The following KIF9 variants were observed in gnomAD, a reference collection of about 807,000 sequenced individuals.
KIF9 encodes kinesin-like protein KIF9.
KIF9 carries 68 observed loss-of-function variants against 94.8 expected under a neutral mutation model. The ratio of observed to expected loss-of-function variants is 0.72; its 90% CI spans 0.59 to 0.88. The LOEUF (loss-of-function observed/expected upper bound fraction) is 0.88. Among genes scored for constraint, KIF9 ranks in the 40% least tolerant of loss-of-function variants. The pLI is 0.00. For missense variants in KIF9, 882 were observed against 982.5 expected, an observed-to-expected ratio of 0.90 and a Z score of 1.37; for synonymous variants, 343 against 362.1, an observed-to-expected ratio of 0.95 and a Z score of 0.60.
intron 5 of KIF9, among the ~76,000 whole-genome samples, chr3:47,269,764 G>T: frequency 7.5e-6 from 1 of 133,148 alleles, no homozygotes; most frequent in Admixed American, 8.0e-5. Flanking sequence ...ACCACTCCCA[G>T]CTAATTTTTT....
intron 10 of KIF9, among the ~76,000 whole-genome samples, chr3:47,249,974 G>A (rs1203369171): frequency 6.6e-6 from 1 of 152,098 alleles, no homozygotes; most frequent in East Asian, 1.9e-4. Context: ...GCTTGAACCC[G>A]GGAGACAGAG....
chr3:47,269,768 A>ATT lies in KIF9; in HGVS notation c.591+1467_591+1468dup, dbSNP rs36108313. Among the ~76,000 whole-genome samples, 717 of 86,428 alleles carry ATT rather than the reference A, an allele frequency of 8.3e-3. 36 individuals are homozygous for ATT. Among genetic ancestry groups the ATT allele is most frequent in the Middle Eastern group, 0.027 (4 of 150 alleles). The allele number at this position is 86,428 out of a possible 152,430, so 56.7% of individuals were successfully genotyped here. A position where few individuals can be genotyped will look rare whatever the true frequency, so the allele number is the denominator to read the frequency against. ...AGGTGCCCACCACCACTCCCAGCTA[A>ATT]TTTTTTTTTTTTTTTTTTTTTTTTT... On this transcript the variant is annotated intron_variant, in intron 5 of 20. Transcript: ENST00000684063.
chr3:47,278,288 C>G (rs773771349), intron 1 of KIF9, among the ~76,000 whole-genome samples: 9 of 152,066 alleles, frequency 5.9e-5, no homozygotes, highest in Non-Finnish European at 1.3e-4. Flanking sequence ...GTTGCCTAGG[C>G]TGGTCTTGAA....
At chr3:47,241,382 C>T (rs1172297413) in intron 16 of KIF9, among the ~76,000 whole-genome samples, 3 of 150,936 alleles carry the variant, frequency 2.0e-5, no homozygotes, top group African/African-American at 7.3e-5. Context: ...AGTGAAATGG[C>T]ACAATCTCGG....
chr3:47,271,372 G>C lies in KIF9; in HGVS notation c.456C>G (p.Leu152=). 6.2e-7 allele frequency: 1 copy of C among 1,614,012 alleles called. No individual in the cohort carries two copies. Among genetic ancestry groups the C allele is most frequent in the South Asian group, 1.1e-5 (1 of 91,080 alleles). The change falls in exon 5 of 21, where the codon CTC becomes CTG. Residue 152 remains leucine (L), a synonymous_variant. Transcript: ENST00000684063. ...LEIYNESLFD[L]LSTLPYVGPS... is the part of the protein sequence containing the mutation. ...GTCCAACATAGGGCAGAGTGGACAG[G>C]AGATCAAACAGGCTCTCATTATAGA...
chr3:47,280,983 C>A, intron 1 of KIF9: 1 of 703,064 alleles, frequency 1.4e-6, no homozygotes, highest in Non-Finnish European at 2.6e-6. Context: ...TCTTACGTCG[C>A]TTCATTTGAG....
intron 20 of KIF9, among the ~76,000 whole-genome samples, chr3:47,230,833 T>C (rs946693975): frequency 1.3e-5 from 2 of 150,438 alleles, no homozygotes; most frequent in African/African-American, 4.9e-5. Context: ...AGGTCAGGAG[T>C]TCAAGACCAG....
chr3:47,239,634 C>G, intron 17 of KIF9: 2 of 1,054,428 alleles, frequency 1.9e-6, no homozygotes, highest in South Asian at 4.5e-5. Context: ...GTCACCCAGA[C>G]TGGAGTGCAG....
chr3:47,260,855 G>C (rs1024750166), intron 9 of KIF9, among the ~76,000 whole-genome samples: 2 of 152,220 alleles, frequency 1.3e-5, no homozygotes. Flanking sequence ...ATGGGGAAGG[G>C]ATAAGTGCAT....
At chr3:47,240,762 G>T in intron 17 of KIF9, 39 bp downstream of exon 17, 1 of 1,554,286 alleles carries the variant, frequency 6.4e-7, no homozygotes, top group Non-Finnish European at 8.9e-7. Context: ...ATGACTCTGA[G>T]ACCCCAAAGC....
intron 20 of KIF9, among the ~76,000 whole-genome samples, chr3:47,235,042 T>C (rs1471484381): frequency 6.6e-6 from 1 of 152,216 alleles, no homozygotes; most frequent in South Asian, 2.1e-4. Flanking sequence ...CACAGGGCCC[T>C]CTGTGTTCTG....
At chr3:47,270,975 C>CAAA (rs35244035) in intron 5 of KIF9, among the ~76,000 whole-genome samples, 5 of 90,888 alleles carry the variant, frequency 5.5e-5, no homozygotes, top group South Asian at 3.7e-4. Context: ...CTTGTCTCTA[C>CAAA]AAAAAAAAAA....
In KIF9 at chr3:47,271,258, ATCC is replaced by A; in HGVS notation, c.567_569del (p.Glu189del). Reference sequence around the variant, plus strand: ...TCACCTCAAAAAGGAGGCTGAATGCATCCTCCTCCTGACTTGTGAGGTGAACTG... The same window carrying A: ...TCACCTCAAAAAGGAGGCTGAATGCATCCTCCTGACTTGTGAGGTGAACTG... On this transcript the variant is annotated inframe_deletion, in exon 5 of 21. Transcript: ENST00000684063. The A allele has an allele frequency of 6.2e-7, 1 of 1,613,698 alleles. No homozygotes were observed. Among genetic ancestry groups the A allele is most frequent in the African/African-American group, 1.3e-5 (1 of 75,014 alleles).
chr3:47,272,124 A>G (rs553000938), intron 4 of KIF9, among the ~76,000 whole-genome samples: 3 of 150,430 alleles, frequency 2.0e-5, no homozygotes, highest in Admixed American at 2.0e-4. Context: ...TCTAAAAAAT[A>G]AATAAATAAA....
In KIF9 at chr3:47,269,320, T is replaced by TA. The variant is rs1336509125; in HGVS notation, c.591+1916dup. On this transcript the variant is annotated intron_variant, in intron 5 of 20. Coordinates refer to ENST00000684063, the MANE Select transcript of KIF9 (RefSeq NM_182902.4). ...TTTTTGAGACAGAGTGTTGCTCTAT[T>TA]ACCCAGGTTGGAGTGCAGTGGCATG... 2.0e-5 allele frequency among the ~76,000 whole-genome samples: 3 copies of TA among 152,352 alleles called. No individual in the cohort carries two copies. In the East Asian group the frequency reaches 5.8e-4, roughly 29 times the overall value.
chr3:47,281,125 G>C (rs1002944653), intron 1 of KIF9: 2 of 668,036 alleles, frequency 3.0e-6, no homozygotes, highest in Admixed American at 4.4e-5. Context: ...AATGGCGGTG[G>C]TTGGTGATGG....
chr3:47,247,542 G>T, intron 11 of KIF9, 65 bp from the exon 12 acceptor site: 1 of 1,295,218 alleles, frequency 7.7e-7, no homozygotes, highest in African/African-American at 1.5e-5. Flanking sequence ...GGAGTGGCAG[G>T]GGCCATTCTG....
intron 9 of KIF9, among the ~76,000 whole-genome samples, chr3:47,260,884 C>T (rs970430417): frequency 2.0e-5 from 3 of 152,186 alleles, no homozygotes; most frequent in African/African-American, 4.8e-5. Context: ...AGGGACAGTA[C>T]GCCCCAAGTG....
intron 2 of KIF9, 52 bp from the exon 3 acceptor site, chr3:47,275,542 A>T: frequency 6.9e-7 from 1 of 1,445,888 alleles, no homozygotes; most frequent in Non-Finnish European, 9.6e-7. Context: ...AAAAATGGGT[A>T]TAAAAAAAAT....
Sources: allele counts gnomAD v4.1 joint callset (sites outside exome capture counted in the v4.1 genomes callset), GRCh38; gene constraint gnomAD v4.1.1; transcripts MANE v1.5; gene names NCBI Gene and HGNC (gene_info 2026-07-23, HGNC 2026-07-21).